The following MMS19 variants were observed in gnomAD, a reference collection of about 807,000 sequenced individuals.
MMS19 encodes MMS19 nucleotide excision repair protein homolog.
A neutral mutation model predicts 129.8 loss-of-function variants in MMS19; 77 were observed. That is an observed-to-expected ratio of 0.59 (90% CI 0.49 to 0.72). MMS19 has a LOEUF of 0.72. Among genes scored for constraint, MMS19 ranks in the 30% least tolerant of loss-of-function variants. The pLI is 0.00. For missense variants in MMS19, 1,168 were observed against 1,266.3 expected (o/e 0.92, Z 1.18); for synonymous variants, 491 against 502.8 (o/e 0.98, Z 0.31).
At chr10:97,478,003 G>A in intron 4 of MMS19, 74 bp from the exon 5 acceptor site, 2 of 915,532 alleles carry the variant, frequency 2.2e-6, no homozygotes, top group Non-Finnish European at 3.3e-6. Flanking sequence ...CCTACGACAG[G>A]CCTAATTAGC....
chr10:97,498,224 C>T (rs1224909261), intron 1 of MMS19, 49 bp downstream of exon 1: 1 of 1,499,562 alleles, frequency 6.7e-7, no homozygotes, highest in Admixed American at 2.4e-5. Flanking sequence ...TGAGGCCGCT[C>T]CCTCCTGTTG....
intron 1 of MMS19, among the ~76,000 whole-genome samples, chr10:97,486,862 C>CCTATATATATATATATAT (rs1554852444): frequency 2.4e-5 from 2 of 85,086 alleles, no homozygotes; most frequent in Admixed American, 1.3e-4. Context: ...ATTAAAGTGC[C>CCTATATATATATATATAT]ATATATATAT....
intron 1 of MMS19, among the ~76,000 whole-genome samples, chr10:97,489,190 T>C (rs1479176459): frequency 6.6e-6 from 1 of 152,210 alleles, no homozygotes; most frequent in Non-Finnish European, 1.5e-5. Flanking sequence ...GCTACATATA[T>C]ACTGATAATG....
intron 1 of MMS19, among the ~76,000 whole-genome samples, chr10:97,487,829 A>AAAAC (rs1341853549): frequency 3.3e-5 from 5 of 152,228 alleles, no homozygotes; most frequent in Admixed American, 2.6e-4. Flanking sequence ...AAAATGGGCA[A>AAAAC]AAACAGGCTG....
intron 1 of MMS19, among the ~76,000 whole-genome samples, chr10:97,487,609 G>A (rs963844285): frequency 1.1e-4 from 16 of 151,994 alleles, no homozygotes; most frequent in African/African-American, 1.7e-4. Context: ...GTGAGCCACC[G>A]CGCCTGGCCT....
intron 3 of MMS19, among the ~76,000 whole-genome samples, chr10:97,479,912 A>G (rs971536598): frequency 6.6e-6 from 1 of 152,068 alleles, no homozygotes; most frequent in African/African-American, 2.4e-5. Context: ...TTTTAAAAGC[A>G]TCTCCAGAAA....
At position 97,462,597 on chromosome 10, in the gene MMS19, G is replaced by A; in HGVS notation, c.1998C>T (p.Thr666=). 2.5e-6 allele frequency: 4 copies of A among 1,613,404 alleles called. No individual in the cohort carries two copies. The highest frequency in any genetic ancestry group is 3.4e-6 in the Non-Finnish European group (4 of 1,179,414). Residue 666 remains threonine, a synonymous_variant, in exon 20 of 31, where the codon ACC becomes ACT. Transcript: ENST00000438925. Reference sequence around the variant, plus strand: ...ATTATACTTACTCAGGGCTCAGGTGGGTTGTAGCAGTGCCAATGACAGACA... The same window carrying A: ...ATTATACTTACTCAGGGCTCAGGTGAGTTGTAGCAGTGCCAATGACAGACA... ...AMVSVIGTAT[T]HLSPELAAQS...
chr10:97,458,432 C>A lies in MMS19; in HGVS notation c.*260G>T. 1 of 489,814 alleles carries A rather than the reference C, an allele frequency of 2.0e-6. No individual in the cohort carries two copies. Among genetic ancestry groups the A allele is most frequent in the East Asian group, 3.3e-5 (1 of 30,762 alleles). The allele number at this position is 489,814 out of a possible 1,614,324, so 30.3% of individuals were successfully genotyped here. A position where few individuals can be genotyped will look rare whatever the true frequency, so the allele number is the denominator to read the frequency against. ...CCCTCAGCAGCATATCGCCCCTTTT[C>A]TGACATATAAATGCAAGAGACCCAG... On this transcript the variant is annotated 3_prime_UTR_variant, in exon 31 of 31. Coordinates refer to ENST00000438925, the MANE Select transcript of MMS19 (RefSeq NM_022362.5).
chr10:97,477,142 G>A (rs903328409), intron 6 of MMS19, 179 bp from the exon 7 acceptor site: 1 of 1,479,148 alleles, frequency 6.8e-7, no homozygotes, highest in African/African-American at 1.4e-5. Flanking sequence ...CATTGCTGTG[G>A]AGGCAAGAAT....
At chr10:97,465,604 G>A (rs11598766) in intron 18 of MMS19, among the ~76,000 whole-genome samples, 34,015 of 152,280 alleles carry the variant, frequency 0.22, 4,139 homozygotes, top group Non-Finnish European at 0.27. Context: ...GGCCCTGGCC[G>A]GGTACTCTTA....
At chr10:97,480,800 A>G in intron 3 of MMS19, 142 bp downstream of exon 3, 1 of 686,724 alleles carries the variant, frequency 1.5e-6, no homozygotes, top group Non-Finnish European at 2.7e-6. Context: ...TGCCACATAT[A>G]CCAGTGAGGA....
In MMS19 at chr10:97,464,010, T is replaced by C. The variant is rs779748607; in HGVS notation, c.1760A>G (p.Asn587Ser). The C allele has an allele frequency of 6.2e-7, 1 of 1,612,272 alleles. No individual in the cohort carries two copies. The highest frequency in any genetic ancestry group is 1.1e-5 in the South Asian group (1 of 90,664). ...LQHLWQVNRG[N>S]MVAQSSDVIA... ...AACGTCACTGGATTGTGCAACCATA[T>C]TCCCTGTTGATGAGAAAGTGTTCTC... The change falls in exon 19 of 31, where the codon AAT (asparagine) becomes AGT (serine). Residue 587 changes from asparagine (N) to serine (S), a missense_variant. By Grantham distance (46) the Asn-to-Ser change is conservative. Coordinates refer to ENST00000438925, the MANE Select transcript of MMS19 (RefSeq NM_022362.5).
chr10:97,474,833 T>TG (rs2035444712), intron 8 of MMS19, among the ~76,000 whole-genome samples: 1 of 152,160 alleles, frequency 6.6e-6, no homozygotes, highest in South Asian at 2.1e-4. Context: ...AATGGGAAAA[T>TG]GGACAGTAGC....
rs1230504123 is a variant in MMS19 at position 97,461,613 on chromosome 10, G to A, written c.2194C>T (p.Pro732Ser). 1.3e-6 allele frequency: 2 copies of A among 1,598,516 alleles called. No homozygotes were observed. Among genetic ancestry groups the A allele is most frequent in the East Asian group, 4.5e-5 (2 of 44,328 alleles). Residue 732 changes from proline (P) to serine (S), a missense_variant, in exon 23 of 31, where the codon CCT becomes TCT. Coordinates refer to ENST00000438925, the MANE Select transcript of MMS19 (RefSeq NM_022362.5). ...TCCCGCATGAGTTGGTTCAGCTGAGGGATTTCCACCTACAGAAAACCTGGC... is the reference window on the plus strand; with the variant it reads ...TCCCGCATGAGTTGGTTCAGCTGAGAGATTTCCACCTACAGAAAACCTGGC... Reference protein sequence around the residue: ...VCSLPRNVEIPQLNQLMRELL... With the variant: ...VCSLPRNVEISQLNQLMRELL...
At position 97,460,167 on chromosome 10, in the gene MMS19, C is replaced by T. The variant is rs766812305; in HGVS notation, c.2535G>A (p.Met845Ile). ...PAAADGFSLL[M>I]SDCTDVLTRA... ...GAGTCAGCACATCAGTGCAGTCAGA[C>T]ATGAGCAGAGAGAAGCCATCAGCTG... Residue 845 changes from methionine to isoleucine, a missense_variant, in exon 26 of 31, where the codon ATG (methionine) becomes ATA (isoleucine). Met to Ile is a conservative substitution (Grantham distance 10). Around this residue, in one of 3 missense-constraint regions of MMS19, gnomAD observed 831 missense variants for 910.8 expected, o/e 0.91. Coordinates refer to ENST00000438925, the MANE Select transcript of MMS19 (RefSeq NM_022362.5). 3 of 1,614,014 alleles carry T rather than the reference C, an allele frequency of 1.9e-6. No individual in the cohort carries two copies. The highest frequency in any genetic ancestry group is 3.3e-5 in the Admixed American group (2 of 60,022).
chr10:97,463,732 C>G, intron 19 of MMS19, 126 bp downstream of exon 19: 1 of 938,388 alleles, frequency 1.1e-6, no homozygotes, highest in Non-Finnish European at 1.6e-6. Flanking sequence ...ACTCTGAGGA[C>G]AAAGGATTGA....
At chr10:97,495,580 G>C (rs2039639672) in intron 1 of MMS19, among the ~76,000 whole-genome samples, 1 of 152,206 alleles carries the variant, frequency 6.6e-6, no homozygotes, top group African/African-American at 2.4e-5. Context: ...CTAGGGCTGT[G>C]ATCTAAGATT....
intron 1 of MMS19, among the ~76,000 whole-genome samples, chr10:97,486,895 A>ATATATATATATATATAT (rs57015711): frequency 2.7e-3 from 371 of 139,960 alleles, no homozygotes; most frequent in Non-Finnish European, 3.8e-3. Flanking sequence ...ATATATATAT[A>ATATATATATATATATAT]AAATTAAGAC....
At chr10:97,493,416 A>G (rs29001263) in intron 1 of MMS19, among the ~76,000 whole-genome samples, 17 of 151,878 alleles carry the variant, frequency 1.1e-4, no homozygotes, top group Admixed American at 1.1e-3. Context: ...GTTCGCTACA[A>G]AAAAATTAGC....
Sources: gnomAD v4.1 joint callset for allele counts (sites outside exome capture counted in the v4.1 genomes callset) on GRCh38, gnomAD v4.1.1 for gene constraint, gnomAD v4.1.1 regional missense constraint, MANE v1.5 for transcripts, NCBI Gene and HGNC (gene_info 2026-07-23, HGNC 2026-07-21) for gene names.